DUSP16: variants seen among roughly 807,000 people sequenced by gnomAD.
DUSP16 encodes dual specificity protein phosphatase 16.
DUSP16 carries 21 observed loss-of-function variants against 58.3 expected under a neutral mutation model. The observed-to-expected ratio is 0.36, with a 90% CI of 0.26 to 0.52. DUSP16 has a LOEUF of 0.52. DUSP16 is among the 20% of genes least tolerant of loss of function. DUSP16 has a pLI of 0.94. For synonymous variants in DUSP16, 320 were observed against 323.8 expected, an observed-to-expected ratio of 0.99 and a Z score of 0.12; for missense variants, 726 against 819.0, an observed-to-expected ratio of 0.89 and a Z score of 1.39.
Position 12,475,235 on chromosome 12 carries a change from A to T in DUSP16, c.*1598T>A, listed in dbSNP as rs890059453. The T allele has an allele frequency of 7.7e-6, 1 of 130,286 alleles. No individual in the cohort carries two copies. The highest frequency in any genetic ancestry group is 2.9e-5 in the African/African-American group (1 of 34,194). 8.1% of individuals were successfully genotyped at this position (130,286 alleles called of 1,614,324 possible). ...ACAATGACAACACCCGCCCAGCCCC[A>T]CCCCCAAAAAGCTGCTGTTGTGAAT... On this transcript the variant is annotated 3_prime_UTR_variant, in exon 7 of 7. Coordinates refer to ENST00000298573, the MANE Select transcript of DUSP16 (RefSeq NM_030640.3).
At chr12:12,530,883 A>C (rs1592198332) in intron 1 of DUSP16, among the ~76,000 whole-genome samples, 2 of 152,206 alleles carry the variant, frequency 1.3e-5, no homozygotes, top group Non-Finnish European at 2.9e-5. Context: ...GGATCTTTAC[A>C]TTAAAAATTT....
At position 12,477,737 on chromosome 12, in the gene DUSP16, C is replaced by CTGGGCACGT. The variant is rs1943480863; in HGVS notation, c.1093_1094insACGTGCCCA (p.Pro364_Ser365insAsnValPro). ...GTCCTCTAACAGCGACGGCTGCACG[C>CTGGGCACGT]TGGGCACGCTGGGCACGCTGGCGGG... On this transcript the variant is annotated inframe_insertion, in exon 7 of 7. Coordinates refer to ENST00000298573, the MANE Select transcript of DUSP16 (RefSeq NM_030640.3). This position sits in a 1 kb window ranked among gnomAD's most constrained non-coding sequence, Gnocchi z 4.1. 7.0e-7 allele frequency: 1 copy of CTGGGCACGT among 1,428,912 alleles called. No individual in the cohort carries two copies. Among genetic ancestry groups the CTGGGCACGT allele is most frequent in the East Asian group, 5.0e-5 (1 of 20,136 alleles). The allele number at this position is 1,428,912 out of a possible 1,614,324, so 88.5% of individuals were successfully genotyped here. A position where few individuals can be genotyped will look rare whatever the true frequency, so the allele number is the denominator to read the frequency against.
At position 12,521,198 on chromosome 12, in the gene DUSP16, T is replaced by G; in HGVS notation, c.-100A>C. The G allele has an allele frequency of 6.6e-7, 1 of 1,522,202 alleles. No homozygotes were observed. Among genetic ancestry groups the G allele is most frequent in the Non-Finnish European group, 8.8e-7 (1 of 1,135,042 alleles). 94.3% of individuals were successfully genotyped at this position (1,522,202 alleles called of 1,614,324 possible). Reference sequence around the variant, plus strand: ...CTCAGCCACTCCATTGTACTAAAAGTGTATGAGGTCAGGCTGGTGGTGACT... The same window carrying G: ...CTCAGCCACTCCATTGTACTAAAAGGGTATGAGGTCAGGCTGGTGGTGACT... On this transcript the variant is annotated 5_prime_UTR_variant, in exon 2 of 7. Transcript: ENST00000298573.
At chr12:12,520,088 G>A (rs2136231770) in intron 2 of DUSP16, 88 bp from the exon 3 acceptor site, 1 of 1,328,164 alleles carries the variant, frequency 7.5e-7, no homozygotes, top group Non-Finnish European at 1.1e-6. Flanking sequence ...ACCAGTGCTG[G>A]GGCGAATAAT....
At chr12:12,536,364 A>G (rs567814675) in intron 1 of DUSP16, among the ~76,000 whole-genome samples, 1 of 152,376 alleles carries the variant, frequency 6.6e-6, no homozygotes, top group Admixed American at 6.5e-5. Flanking sequence ...CACATAAGCT[A>G]ATGTAAAGCA....
intron 1 of DUSP16, among the ~76,000 whole-genome samples, chr12:12,532,038 G>A (rs1204451114): frequency 1.3e-5 from 2 of 151,100 alleles, no homozygotes; most frequent in East Asian, 1.9e-4. Context: ...GGCGCCTGTG[G>A]TCCCAGCTAC....
chr12:12,516,022 C>A (rs2136228064), intron 3 of DUSP16, among the ~76,000 whole-genome samples: 1 of 152,064 alleles, frequency 6.6e-6, no homozygotes. Context: ...GTGATCCACC[C>A]ACCTCGGCCT....
intron 1 of DUSP16, among the ~76,000 whole-genome samples, chr12:12,548,176 A>G (rs1944674853): frequency 6.7e-6 from 1 of 150,172 alleles, no homozygotes; most frequent in African/African-American, 2.5e-5. Flanking sequence ...AAAAAACTCA[A>G]ATAATCCAAT....
chr12:12,550,188 G>A (rs535086671), intron 1 of DUSP16, among the ~76,000 whole-genome samples: 21 of 151,666 alleles, frequency 1.4e-4, no homozygotes, highest in Middle Eastern at 3.4e-3. Context: ...TGGGAGAATC[G>A]CTTGAACCCG....
Position 12,561,273 on chromosome 12 carries a change from A to G in DUSP16, c.-366+844T>C, listed in dbSNP as rs544154279. The G allele has an allele frequency of 1.1e-3, 161 of 152,320 alleles. 1 individual carries two copies. The highest frequency in any genetic ancestry group is 1.7e-3 in the Non-Finnish European group (115 of 68,034). 9.4% of individuals were successfully genotyped at this position (152,320 alleles called of 1,614,324 possible). A position where few individuals can be genotyped will look rare whatever the true frequency, so the allele number is the denominator to read the frequency against. On this transcript the variant is annotated intron_variant, in intron 1 of 6. Transcript: ENST00000298573. ...AGGTGTGCTTTCTCCAATCTGAGAC[A>G]CCCACGACTTCAAAACGCCAAGAAT... is the stretch of plus-strand genomic sequence containing the variant.
chr12:12,521,348 A>C lies in DUSP16; in HGVS notation c.-250T>G. 1 of 1,375,038 alleles carries C rather than the reference A, an allele frequency of 7.3e-7. No homozygotes were observed. Among genetic ancestry groups the C allele is most frequent in the Non-Finnish European group, 9.4e-7 (1 of 1,062,774 alleles). 85.2% of individuals were successfully genotyped at this position (1,375,038 alleles called of 1,614,324 possible). On this transcript the variant is annotated 5_prime_UTR_variant, in exon 2 of 7. An upstream open reading frame in the 5' UTR gains an earlier in-frame stop. Coordinates refer to ENST00000298573, the MANE Select transcript of DUSP16 (RefSeq NM_030640.3). Reference sequence around the variant, plus strand: ...AAGCAGCCCCTCACATTTGATTCATAAAGAGATGACTGGAATAACCATTCC... The same window carrying C: ...AAGCAGCCCCTCACATTTGATTCATCAAGAGATGACTGGAATAACCATTCC...
intron 1 of DUSP16, among the ~76,000 whole-genome samples, chr12:12,556,745 T>C (rs963216301): frequency 2.0e-5 from 3 of 152,168 alleles, no homozygotes; most frequent in Non-Finnish European, 4.4e-5. Flanking sequence ...AAAACAAACC[T>C]GGCAGTCCAA....
intron 1 of DUSP16, among the ~76,000 whole-genome samples, chr12:12,524,767 C>T (rs1944280344): frequency 6.6e-6 from 1 of 152,090 alleles, no homozygotes; most frequent in Non-Finnish European, 1.5e-5. Flanking sequence ...AGTTGAAATA[C>T]TTTCTTTAGA....
At chr12:12,509,011 T>C (rs561411863) in intron 3 of DUSP16, among the ~76,000 whole-genome samples, 1 of 152,234 alleles carries the variant, frequency 6.6e-6, no homozygotes, top group Non-Finnish European at 1.5e-5. Context: ...GGAAGAGTTC[T>C]CAGAAGATGT....
intron 1 of DUSP16, among the ~76,000 whole-genome samples, chr12:12,549,719 C>G (rs1196268257): frequency 6.6e-6 from 1 of 151,142 alleles, no homozygotes; most frequent in Non-Finnish European, 1.5e-5. Flanking sequence ...ATTTTGAATA[C>G]AATAAGTAAG....
intron 1 of DUSP16, among the ~76,000 whole-genome samples, chr12:12,527,093 T>C (rs1249473684): frequency 6.6e-6 from 1 of 152,222 alleles, no homozygotes; most frequent in Admixed American, 6.5e-5. Context: ...TTTTATTTGG[T>C]TGGGCTAGAG....
chr12:12,489,613 A>G (rs560351158), intron 4 of DUSP16, among the ~76,000 whole-genome samples: 2 of 152,364 alleles, frequency 1.3e-5, no homozygotes, highest in South Asian at 2.1e-4. Flanking sequence ...GAAATTACAG[A>G]AGTTTCTGAG....
intron 5 of DUSP16, among the ~76,000 whole-genome samples, chr12:12,481,760 C>T (rs1039978052): frequency 1.3e-5 from 2 of 151,986 alleles, no homozygotes; most frequent in Non-Finnish European, 2.9e-5. Flanking sequence ...GCATGCTATA[C>T]AAGTAAGAAC....
intron 3 of DUSP16, among the ~76,000 whole-genome samples, chr12:12,519,204 C>A (rs1944194695): frequency 6.6e-6 from 1 of 152,192 alleles, no homozygotes; most frequent in South Asian, 2.1e-4. Flanking sequence ...ATGCCGTCCT[C>A]CAGGAGAGAT....
Sources: gnomAD v4.1 joint callset for allele counts (sites outside exome capture counted in the v4.1 genomes callset) on GRCh38, gnomAD v4.1.1 for gene constraint, Gnocchi (gnomAD v3.1) non-coding constraint, MANE v1.5 for transcripts, NCBI Gene and HGNC (gene_info 2026-07-23, HGNC 2026-07-21) for gene names.